Variants in SULT1C2 observed in about 807,000 individuals in gnomAD.
SULT1C2 encodes sulfotransferase family 1C member 2, also known as sulfotransferase 1C2.
In SULT1C2, 27 loss-of-function variants were observed where a neutral mutation model predicts 36.0. The observed-to-expected ratio is 0.75, with a 90% CI of 0.55 to 1.03. The LOEUF is 1.03. SULT1C2 is among the 50% of genes least tolerant of loss of function. SULT1C2 has a pLI of 0.00. For missense variants in SULT1C2, 395 were observed against 359.2 expected (o/e 1.10, Z -0.80); for synonymous variants, 121 against 116.0 (o/e 1.04, Z -0.27).
chr2:108,305,051 G>A, intron 5 of SULT1C2, 121 bp from the exon 6 acceptor site: 2 of 1,095,830 alleles, frequency 1.8e-6, no homozygotes, highest in Non-Finnish European at 2.7e-6. Context: ...AGAACCCTTA[G>A]GACATATCTA....
intron 3 of SULT1C2, among the ~76,000 whole-genome samples, chr2:108,297,579 G>C (rs1174663747): frequency 6.6e-6 from 1 of 152,140 alleles, no homozygotes; most frequent in Admixed American, 6.5e-5. Context: ...AGCCTGGGCT[G>C]TGTCATGCAC....
intron 5 of SULT1C2, 128 bp downstream of exon 5, chr2:108,304,828 T>G: frequency 7.6e-7 from 1 of 1,315,516 alleles, no homozygotes; most frequent in African/African-American, 1.5e-5. Flanking sequence ...AGACTGGGAC[T>G]GGGCAGAGCA....
rs1470575340 is a variant in SULT1C2 at position 108,305,525 on chromosome 2, TC to T, written c.711del (p.Met238Ter). On this transcript the variant is annotated frameshift_variant, in exon 7 of 8. Coordinates refer to ENST00000251481, the MANE Select transcript of SULT1C2 (RefSeq NM_001056.4). LOFTEE classifies it high-confidence loss of function. ...CGTCATTTGAGAAAATGAAAGAAAA[TC>T]CCATGACAAATCGTTCTACAGTTTC... ...ETSFEKMKEN[P>X]MTNRSTVSKS... 1.2e-6 allele frequency: 2 copies of T among 1,614,024 alleles called. No homozygotes were observed. Among genetic ancestry groups the T allele is most frequent in the Non-Finnish European group, 1.7e-6 (2 of 1,179,998 alleles).
intron 4 of SULT1C2, chr2:108,301,165 C>T: frequency 1.9e-6 from 1 of 526,550 alleles, no homozygotes; most frequent in South Asian, 3.1e-5. Context: ...GAACTAGAGA[C>T]ATGGGGAGGC....
chr2:108,296,455 T>G lies in SULT1C2; in HGVS notation c.277+2101T>G, dbSNP rs1483772499. Among the ~76,000 whole-genome samples, 23 of 75,902 alleles carry G rather than the reference T, an allele frequency of 3.0e-4. 1 individual carries two copies. In the Admixed American group the frequency reaches 3.6e-3, roughly 12 times the overall value. The allele number at this position is 75,902 out of a possible 152,430, so 49.8% of individuals were successfully genotyped here. On this transcript the variant is annotated intron_variant, in intron 3 of 7. Coordinates refer to ENST00000251481, the MANE Select transcript of SULT1C2 (RefSeq NM_001056.4). ...GACTCAGCTGTGCAGTGGTCGTTTG[T>G]TTGGTTTTTTTTTTGAGACAAAGTC...
intron 7 of SULT1C2, among the ~76,000 whole-genome samples, chr2:108,307,809 C>T (rs1677061487): frequency 5.9e-5 from 9 of 152,154 alleles, no homozygotes; most frequent in Admixed American, 5.9e-4. Flanking sequence ...CACCCGCACC[C>T]CAATCAAGAT....
chr2:108,297,946 G>A (rs1447146316), intron 3 of SULT1C2, among the ~76,000 whole-genome samples: 1 of 152,186 alleles, frequency 6.6e-6, no homozygotes, highest in Non-Finnish European at 1.5e-5. Context: ...CATAATGACT[G>A]AGTACAGATT....
intron 1 of SULT1C2, among the ~76,000 whole-genome samples, chr2:108,289,939 A>T (rs1411248800): frequency 1.3e-5 from 2 of 152,216 alleles, no homozygotes; most frequent in Non-Finnish European, 2.9e-5. Context: ...TGGACAGCCA[A>T]GCCCTTAACC....
chr2:108,291,658 C>G (rs183018996), intron 1 of SULT1C2, among the ~76,000 whole-genome samples: 1 of 152,200 alleles, frequency 6.6e-6, no homozygotes, highest in East Asian at 1.9e-4. Flanking sequence ...GATTCGTATA[C>G]AGATGTTGGC....
intron 2 of SULT1C2, 110 bp downstream of exon 2, chr2:108,293,928 A>G (rs753399323): frequency 4.1e-6 from 6 of 1,476,882 alleles, no homozygotes; most frequent in South Asian, 2.7e-5. Context: ...TTGTTCCACA[A>G]TGGGTTTTGG....
At chr2:108,301,203 A>G (rs1046550536) in intron 4 of SULT1C2, 2 of 398,744 alleles carry the variant, frequency 5.0e-6, no homozygotes, top group African/African-American at 4.1e-5. Context: ...TAGCTGTGAA[A>G]TGAAGGGGAG....
In SULT1C2 at chr2:108,305,248, C is replaced by G; in HGVS notation, c.579C>G (p.Phe193Leu). Residue 193 changes from phenylalanine (F) to leucine (L), a missense_variant, in exon 6 of 8, where the codon TTC (phenylalanine) becomes TTG (leucine). Phe to Leu is a conservative substitution (Grantham distance 22). Transcript: ENST00000251481. ...MKDRHQILFLFYEDIKRDPKH... is the reference protein window; with the variant it reads ...MKDRHQILFLLYEDIKRDPKH... Reference sequence around the variant, plus strand: ...ACAGACACCAGATTCTCTTCCTCTTCTATGAGGACATAAAGAGGGTGAGTG... The same window carrying G: ...ACAGACACCAGATTCTCTTCCTCTTGTATGAGGACATAAAGAGGGTGAGTG... 6.2e-7 allele frequency: 1 copy of G among 1,614,132 alleles called. No individual in the cohort carries two copies. Among genetic ancestry groups the G allele is most frequent in the Non-Finnish European group, 8.5e-7 (1 of 1,180,002 alleles).
intron 3 of SULT1C2, among the ~76,000 whole-genome samples, chr2:108,297,937 A>G (rs1241842046): frequency 1.3e-5 from 2 of 152,220 alleles, no homozygotes; most frequent in African/African-American, 4.8e-5. Context: ...TCTAAGGACC[A>G]TAATGACTGA....
intron 3 of SULT1C2, among the ~76,000 whole-genome samples, chr2:108,295,577 A>G (rs1676704604): frequency 1.3e-5 from 2 of 152,242 alleles, no homozygotes; most frequent in Admixed American, 1.3e-4. Flanking sequence ...CACAATGTTT[A>G]CATAACCTCT....
chr2:108,302,953 A>G (rs1445476903), intron 4 of SULT1C2: 4 of 152,206 alleles, frequency 2.6e-5, no homozygotes, highest in Non-Finnish European at 5.9e-5. Flanking sequence ...CTAAGAGCCA[A>G]GAGATGGAGC....
At chr2:108,298,701 A>C in intron 3 of SULT1C2, 1 of 367,056 alleles carries the variant, frequency 2.7e-6, no homozygotes, top group South Asian at 2.0e-5. Flanking sequence ...TATTTTAAAC[A>C]TAGTTATTTA....
At chr2:108,295,085 C>G (rs1020609398) in intron 3 of SULT1C2, among the ~76,000 whole-genome samples, 1 of 152,194 alleles carries the variant, frequency 6.6e-6, no homozygotes, top group Non-Finnish European at 1.5e-5. Context: ...AGCATGAAGT[C>G]TAGACTTGGA....
intron 3 of SULT1C2, among the ~76,000 whole-genome samples, chr2:108,297,531 C>G (rs1427482483): frequency 6.6e-6 from 1 of 152,166 alleles, no homozygotes; most frequent in Non-Finnish European, 1.5e-5. Context: ...CCGTTTGCCC[C>G]CTTCTTCCAA....
rs1245628767 is a variant in SULT1C2 at position 108,308,345 on chromosome 2, T to C, written c.779-7T>C. On this transcript the variant is annotated splice_region_variant and splice_polypyrimidine_tract_variant and intron_variant, in intron 7 of 7. Transcript: ENST00000251481. The stretch of plus-strand genomic sequence containing the variant: ...GTGACACTCCTGTCTGGCCTTCCTT[T>C]TTCTAGGAACTGTGGGGGATTGGAA... 1 of 1,599,776 alleles carries C rather than the reference T, an allele frequency of 6.3e-7. No homozygotes were observed. Among genetic ancestry groups the C allele is most frequent in the East Asian group, 2.2e-5 (1 of 44,802 alleles).
Sources: gnomAD v4.1 joint callset for allele counts (sites outside exome capture counted in the v4.1 genomes callset) on GRCh38, gnomAD v4.1.1 for gene constraint, MANE v1.5 for transcripts, NCBI Gene and HGNC (gene_info 2026-07-23, HGNC 2026-07-21) for gene names.